Variants in ZFC3H1 observed in about 807,000 individuals in gnomAD.
ZFC3H1 encodes the protein zinc finger C3H1-type containing, also known as zinc finger C3H1 domain-containing protein.
A neutral mutation model predicts 243.7 loss-of-function variants in ZFC3H1; 71 were observed. The observed-to-expected ratio is 0.29, with a 90% confidence interval of 0.24 to 0.36. ZFC3H1 has a LOEUF of 0.36. Ranked by LOEUF, ZFC3H1 falls within the 10% of genes least tolerant of loss-of-function variation. ZFC3H1 has a pLI of 1.00. For synonymous variants in ZFC3H1, 838 were observed against 813.0 expected (o/e 1.03, Z -0.52); for missense variants, 1,966 against 2,317.1 (o/e 0.85, Z 3.11).
At chr12:71,617,418 G>A (rs1879918562) in intron 27 of ZFC3H1, among the ~76,000 whole-genome samples, 1 of 152,078 alleles carries the variant, frequency 6.6e-6, no homozygotes, top group Admixed American at 6.5e-5. Flanking sequence ...TTTCCACAAA[G>A]GAATTTAATA....
Position 71,620,078 on chromosome 12 carries a change from G to A in ZFC3H1, c.4897C>T (p.Pro1633Ser), listed in dbSNP as rs747031844. The stretch of plus-strand genomic sequence containing the variant: ...GCTTCCAGCAACTGGCAGTTAATAG[G>A]ACATGATTCCAATAAAGATTTACAA... ...ELCKSLLESCPINCQLLEALV... is the reference protein window; with the variant it reads ...ELCKSLLESCSINCQLLEALV... The change falls in exon 26 of 35, where the codon CCT becomes TCT. Residue 1633 changes from proline (P) to serine (S), a missense_variant. By Grantham distance (74) the Pro-to-Ser change is moderately conservative. Coordinates refer to ENST00000378743, the MANE Select transcript of ZFC3H1 (RefSeq NM_144982.5). 1 of 1,612,952 alleles carries A rather than the reference G, an allele frequency of 6.2e-7. No individual in the cohort carries two copies. Among genetic ancestry groups the A allele is most frequent in the Non-Finnish European group, 8.5e-7 (1 of 1,179,788 alleles).
At chr12:71,616,586 C>T (rs1318830674) in intron 27 of ZFC3H1, among the ~76,000 whole-genome samples, 2 of 152,158 alleles carry the variant, frequency 1.3e-5, no homozygotes, top group Non-Finnish European at 2.9e-5. Context: ...AGTCCATCTT[C>T]CTTCCAATGT....
intron 8 of ZFC3H1, 72 bp from the exon 9 acceptor site, chr12:71,636,726 A>G (rs1273468777): frequency 1.7e-5 from 26 of 1,558,074 alleles, no homozygotes; most frequent in Non-Finnish European, 1.5e-5. Flanking sequence ...AAAAATCTTG[A>G]GCATGTTAGA....
chr12:71,638,560 C>A (rs1013176528), intron 6 of ZFC3H1, 45 bp from the exon 7 acceptor site: 3 of 1,414,848 alleles, frequency 2.1e-6, no homozygotes, highest in Non-Finnish European at 2.9e-6. Flanking sequence ...AGAAATACTT[C>A]ATCAGGAATA....
chr12:71,619,814 A>G, intron 26 of ZFC3H1, 112 bp downstream of exon 26: 1 of 939,270 alleles, frequency 1.1e-6, no homozygotes, highest in South Asian at 1.7e-5. Flanking sequence ...GAGAAGGAAC[A>G]CCTAACACTG....
In ZFC3H1 at chr12:71,663,694, C is replaced by A. The variant is rs1881259519; in HGVS notation, c.-84G>T. The A allele has an allele frequency of 3.4e-6, 5 of 1,482,206 alleles. No individual in the cohort carries two copies. In the South Asian group the frequency reaches 6.3e-5, roughly 19 times the overall value. 91.8% of individuals were successfully genotyped at this position (1,482,206 alleles called of 1,614,324 possible). ...TTGCCTCGTTTCCCTTCTTTCCTAA[C>A]GGACTGGGTCGGTGCGGTCTTACCC... On this transcript the variant is annotated 5_prime_UTR_variant, in exon 1 of 35. Coordinates refer to ENST00000378743, the MANE Select transcript of ZFC3H1 (RefSeq NM_144982.5).
At chr12:71,623,148 A>AT (rs1399975293) in intron 24 of ZFC3H1, among the ~76,000 whole-genome samples, 1 of 152,200 alleles carries the variant, frequency 6.6e-6, no homozygotes, top group Non-Finnish European at 1.5e-5. Context: ...AAACAATGTA[A>AT]TATCGTGCAG....
In ZFC3H1 at chr12:71,615,224, T is replaced by A; in HGVS notation, c.5237A>T (p.Tyr1746Phe). The change falls in exon 28 of 35, where the codon TAT (tyrosine) becomes TTT (phenylalanine). Residue 1746 changes from tyrosine to phenylalanine, a missense_variant. Tyr to Phe is a conservative substitution (Grantham distance 22). Around this residue, in one of 4 missense-constraint regions of ZFC3H1, gnomAD observed 1,383 missense variants for 1,723.7 expected, o/e 0.80. Coordinates refer to ENST00000378743, the MANE Select transcript of ZFC3H1 (RefSeq NM_144982.5). ...DDDMFNHQVP[Y>F]LWLIYCLCHP... is the part of the protein sequence containing the mutation. Reference sequence around the variant, plus strand: ...GTCTCACCAGTAAATCAGCCACAAATAAGGAACTTGGTGGTTAAACATATC... The same window carrying A: ...GTCTCACCAGTAAATCAGCCACAAAAAAGGAACTTGGTGGTTAAACATATC... 6.2e-7 allele frequency: 1 copy of A among 1,611,724 alleles called. No homozygotes were observed. Among genetic ancestry groups the A allele is most frequent in the Non-Finnish European group, 8.5e-7 (1 of 1,178,764 alleles).
chr12:71,654,218 T>C (rs937393650), intron 2 of ZFC3H1, among the ~76,000 whole-genome samples: 1 of 152,014 alleles, frequency 6.6e-6, no homozygotes, highest in Admixed American at 6.6e-5. Context: ...GGCAAGAGGA[T>C]CATTTGAGCC....
intron 27 of ZFC3H1, among the ~76,000 whole-genome samples, chr12:71,618,627 G>T (rs1415281676): frequency 1.3e-5 from 2 of 150,982 alleles, no homozygotes; most frequent in Non-Finnish European, 3.0e-5. Context: ...TAGACTACAT[G>T]GCCTGCTAAC....
chr12:71,634,619 C>T (rs1880413615), intron 11 of ZFC3H1, 85 bp downstream of exon 11: 1 of 1,397,004 alleles, frequency 7.2e-7, no homozygotes, highest in South Asian at 1.4e-5. Context: ...TATCATCACT[C>T]ATTCCCCAGT....
At chr12:71,654,955 ACT>A (rs2137560957) in intron 2 of ZFC3H1, among the ~76,000 whole-genome samples, 1 of 152,292 alleles carries the variant, frequency 6.6e-6, no homozygotes, top group South Asian at 2.1e-4. Context: ...CTACATAATG[ACT>A]CAATTACCCA....
chr12:71,644,154 C>G lies in ZFC3H1; in HGVS notation c.1444G>C (p.Glu482Gln). 1 of 1,613,912 alleles carries G rather than the reference C, an allele frequency of 6.2e-7. No individual in the cohort carries two copies. Among genetic ancestry groups the G allele is most frequent in the Non-Finnish European group, 8.5e-7 (1 of 1,179,944 alleles). The change falls in exon 5 of 35, where the codon GAA becomes CAA. Residue 482 changes from glutamate to glutamine, a missense_variant. Glu to Gln is a conservative substitution (Grantham distance 29). Transcript: ENST00000378743. ...TTCATGAATCGATTGTACTGTTCTT[C>G]CTGATTTGAGAGATCTCGAATTTTT... Reference protein sequence around the residue: ...IRKIRDLSNQEEQYNRFMKLV... With the variant: ...IRKIRDLSNQQEQYNRFMKLV...
At chr12:71,634,003 G>A (rs1357916623) in intron 12 of ZFC3H1, 152 bp downstream of exon 12, 5 of 786,586 alleles carry the variant, frequency 6.4e-6, no homozygotes. Flanking sequence ...TGTAAATGTA[G>A]TGTCATTCAA....
In ZFC3H1 at chr12:71,611,676, A is replaced by AAT. The variant is rs1395687343; in HGVS notation, c.5729+108_5729+109dup. The stretch of plus-strand genomic sequence containing the variant: ...TCTGTCCAGGAAAAAAAAAAAAAAA[A>AAT]ATATATATATATATATATATATAGA... On this transcript the variant is annotated intron_variant, in intron 32 of 34. Transcript: ENST00000378743. The AAT allele has an allele frequency of 2.8e-3, 320 of 112,304 alleles. 1 individual carries two copies. The highest frequency in any genetic ancestry group is 4.5e-3 in the African/African-American group (108 of 24,238). The allele number at this position is 112,304 out of a possible 1,614,324, so 7.0% of individuals were successfully genotyped here. A position where few individuals can be genotyped will look rare whatever the true frequency, so the allele number is the denominator to read the frequency against.
Position 71,630,630 on chromosome 12 carries a change from T to C in ZFC3H1, c.3694A>G (p.Ser1232Gly). 2 of 1,611,764 alleles carry C rather than the reference T, an allele frequency of 1.2e-6. No individual in the cohort carries two copies. Among genetic ancestry groups the C allele is most frequent in the Non-Finnish European group, 1.7e-6 (2 of 1,179,318 alleles). ...GAAGCAGTAATTTCTTCATTAGTACTTGTCTCTGCACAACCAATCAAAGAC... is the reference window on the plus strand; with the variant it reads ...GAAGCAGTAATTTCTTCATTAGTACCTGTCTCTGCACAACCAATCAAAGAC... The part of the protein sequence containing the change: ...NLSLIGCAET[S>G]TNEEITASAE... Residue 1232 changes from serine (S) to glycine (G), a missense_variant, in exon 18 of 35, where the codon AGT (serine) becomes GGT (glycine). Ser to Gly is a moderately conservative substitution (Grantham distance 56). Transcript: ENST00000378743.
chr12:71,616,101 C>G (rs1254902599), intron 27 of ZFC3H1, among the ~76,000 whole-genome samples: 4 of 152,086 alleles, frequency 2.6e-5, no homozygotes, highest in African/African-American at 9.7e-5. Context: ...ATCAGCCTGG[C>G]TAACAACTTG....
chr12:71,616,070 A>T (rs562275715), intron 27 of ZFC3H1, among the ~76,000 whole-genome samples: 171 of 152,218 alleles, frequency 1.1e-3, no homozygotes, highest in Non-Finnish European at 1.9e-3. Flanking sequence ...CGGGTGGTTC[A>T]CTTAAGGTCA....
Position 71,631,783 on chromosome 12 carries a change from G to C in ZFC3H1, c.3465C>G (p.Ser1155=), listed in dbSNP as rs749315004. The change falls in exon 16 of 35, where the codon TCC becomes TCG. Residue 1155 remains serine, a synonymous_variant. Transcript: ENST00000378743. ...ATTGAATCTTTCTTTTATACCTGTAGGACTTAAAAACTAGAAGAGGACTAT... is the reference window on the plus strand; with the variant it reads ...ATTGAATCTTTCTTTTATACCTGTACGACTTAAAAACTAGAAGAGGACTAT... ...PYHSPLLVFK[S]YRFSPYYRTK... 3.1e-6 allele frequency: 5 copies of C among 1,604,138 alleles called. No homozygotes were observed. Among genetic ancestry groups the C allele is most frequent in the Admixed American group, 3.5e-5 (2 of 57,762 alleles).
Sources: gnomAD v4.1 joint callset for allele counts (sites outside exome capture counted in the v4.1 genomes callset) on GRCh38, gnomAD v4.1.1 for gene constraint, gnomAD v4.1.1 regional missense constraint, MANE v1.5 for transcripts, NCBI Gene and HGNC (gene_info 2026-07-23, HGNC 2026-07-21) for gene names.